Variants in RLIM observed in about 807,000 individuals in gnomAD.
The protein encoded by RLIM is E3 ubiquitin-protein ligase RLIM.
RLIM carries 2 observed loss-of-function variants against 34.0 expected under a neutral mutation model. The observed-to-expected ratio is 0.06, with a 90% CI of 0.02 to 0.19. RLIM has a LOEUF of 0.19. Ranked by LOEUF, RLIM falls within the 10% of genes least tolerant of loss-of-function variation. RLIM has a pLI of 1.00. For synonymous variants in RLIM, 169 were observed against 164.0 expected (o/e 1.03, Z -0.23); for missense variants, 286 against 479.7 (o/e 0.60, Z 3.77).
Position 74,588,689 on chromosome X carries a change from G to A in RLIM, c.*2751C>T, listed in dbSNP as rs767044435. The A allele has an allele frequency of 9.0e-6, 1 of 111,649 alleles. No homozygotes were observed. The highest frequency in any genetic ancestry group is 3.2e-5 in the African/African-American group (1 of 30,777). 9.2% of individuals were successfully genotyped at this position (111,649 alleles called of 1,213,427 possible). ...CTCTTACTGCATGAAGTTCAAACTA[G>A]GTCTTAAAGACAACTTTTCTGTACT... On this transcript the variant is annotated 3_prime_UTR_variant, in exon 4 of 4. Coordinates refer to ENST00000332687, the MANE Select transcript of RLIM (RefSeq NM_016120.4).
At position 74,590,128 on chromosome X, in the gene RLIM, G is replaced by A. The variant is rs888705621; in HGVS notation, c.*1312C>T. On this transcript the variant is annotated 3_prime_UTR_variant, in exon 4 of 4. Coordinates refer to ENST00000332687, the MANE Select transcript of RLIM (RefSeq NM_016120.4). ...AATCTCAAAAACAACACAAATTCGAGACTTTCCTATTAACACACACATGTG... is the reference window on the plus strand; with the variant it reads ...AATCTCAAAAACAACACAAATTCGAAACTTTCCTATTAACACACACATGTG... 1 of 111,952 alleles carries A rather than the reference G, an allele frequency of 8.9e-6. No homozygotes were observed. The highest frequency in any genetic ancestry group is 1.9e-5 in the Non-Finnish European group (1 of 53,181). The allele number at this position is 111,952 out of a possible 1,213,427, so 9.2% of individuals were successfully genotyped here.
intron 1 of RLIM, among the ~76,000 whole-genome samples, chrX:74,609,573 G>A (rs944705998): frequency 3.7e-5 from 4 of 108,439 alleles, no homozygotes; most frequent in African/African-American, 1.3e-4. Flanking sequence ...GTTATTTGAG[G>A]AAGTAATTTT....
Position 74,595,799 on chromosome X carries a change from G to A in RLIM, c.169+10C>T. 8.6e-7 allele frequency: 1 copy of A among 1,163,018 alleles called. No individual in the cohort carries two copies. The highest frequency in any genetic ancestry group is 3.0e-5 in the East Asian group (1 of 33,341). ...TACACTTATAAATCCTTAAATATAT[G>A]TAAGCATACCTGGGGTGCCTAGCAA... is the stretch of plus-strand genomic sequence containing the variant. On this transcript the variant is annotated intron_variant, in intron 2 of 3. Transcript: ENST00000332687.
rs1242094085 is a variant in RLIM, at chrX:74,585,141, G to C, written c.*6299C>G. 8.9e-6 allele frequency: 1 copy of C among 112,223 alleles called. No homozygotes were observed. Among genetic ancestry groups the C allele is most frequent in the African/African-American group, 3.2e-5 (1 of 30,878 alleles). 9.2% of individuals were successfully genotyped at this position (112,223 alleles called of 1,213,427 possible). A position where few individuals can be genotyped will look rare whatever the true frequency, so the allele number is the denominator to read the frequency against. ...TTTTGTATATATACAGGGCAAGCAA[G>C]GGAGTGGTCAGAGCAATGGCGAGAA... is the stretch of plus-strand genomic sequence containing the variant. On this transcript the variant is annotated 3_prime_UTR_variant, in exon 4 of 4. Transcript: ENST00000332687.
chrX:74,604,080 A>C (rs1450499034), intron 1 of RLIM, among the ~76,000 whole-genome samples: 1 of 106,015 alleles, frequency 9.4e-6, no homozygotes, highest in East Asian at 3.0e-4. Context: ...AAGCCACTGC[A>C]CTCCAGCCTG....
rs1931335569 is a variant in RLIM, at chrX:74,585,788, G to GA, written c.*5651dup. 1 of 111,997 alleles carries GA rather than the reference G, an allele frequency of 8.9e-6. No individual in the cohort carries two copies. Among genetic ancestry groups the GA allele is most frequent in the African/African-American group, 3.2e-5 (1 of 30,808 alleles). The allele number at this position is 111,997 out of a possible 1,213,427, so 9.2% of individuals were successfully genotyped here. ...TCAGGTTTAAATTGAAAGAAAATGA[G>GA]AAACCAGATAAAGCAAGCCAACCAA... On this transcript the variant is annotated 3_prime_UTR_variant, in exon 4 of 4. Transcript: ENST00000332687.
intron 1 of RLIM, among the ~76,000 whole-genome samples, chrX:74,609,404 C>T (rs989645683): frequency 3.2e-5 from 3 of 94,935 alleles, no homozygotes; most frequent in Non-Finnish European, 6.1e-5. Context: ...AGGAGAATGG[C>T]GTGAACCCGG....
intron 1 of RLIM, among the ~76,000 whole-genome samples, chrX:74,602,540 T>G (rs1361361563): frequency 9.0e-6 from 1 of 111,145 alleles, no homozygotes; most frequent in Non-Finnish European, 1.9e-5. Context: ...GAGACTAGCC[T>G]GACTAACATG....
chrX:74,594,741 A>T (rs908430751), intron 2 of RLIM, among the ~76,000 whole-genome samples: 3 of 109,915 alleles, frequency 2.7e-5, no homozygotes, highest in Non-Finnish European at 5.7e-5. Flanking sequence ...TCTACTAAAA[A>T]TACAAAAATT....
chrX:74,603,224 T>C (rs1030709148), intron 1 of RLIM, among the ~76,000 whole-genome samples: 1 of 110,441 alleles, frequency 9.1e-6, no homozygotes, highest in African/African-American at 3.3e-5. Flanking sequence ...ATTACAACAT[T>C]TTCTTGGCAA....
In RLIM at chrX:74,610,895, AAT is replaced by A. The variant is rs1167183033; in HGVS notation, c.-24+3525_-24+3526del. 8.1e-5 allele frequency among the ~76,000 whole-genome samples: 9 copies of A among 110,776 alleles called. No homozygotes were observed. In the East Asian group the frequency reaches 1.4e-3, roughly 17 times the overall value. On this transcript the variant is annotated intron_variant, in intron 1 of 3. Coordinates refer to ENST00000332687, the MANE Select transcript of RLIM (RefSeq NM_016120.4). ...ACAGAGTGAGACTCCGTCTCAAAAAAATAAAAAAATAAAAAATAAATAAATAA... is the reference window on the plus strand; with the variant it reads ...ACAGAGTGAGACTCCGTCTCAAAAAAAAAAAAATAAAAAATAAATAAATAA...
Position 74,590,130 on chromosome X carries a change from C to A in RLIM, c.*1310G>T, listed in dbSNP as rs2079605689. The A allele has an allele frequency of 8.9e-6, 1 of 112,101 alleles. No homozygotes were observed. Among genetic ancestry groups the A allele is most frequent in the South Asian group, 3.7e-4 (1 of 2,730 alleles). 9.2% of individuals were successfully genotyped at this position (112,101 alleles called of 1,213,427 possible). ...TCTCAAAAACAACACAAATTCGAGA[C>A]TTTCCTATTAACACACACATGTGTA... On this transcript the variant is annotated 3_prime_UTR_variant, in exon 4 of 4. Coordinates refer to ENST00000332687, the MANE Select transcript of RLIM (RefSeq NM_016120.4).
In RLIM at chrX:74,609,487, CAAAAAAAAAAAAA is replaced by C. The variant is rs752008137; in HGVS notation, c.-24+4922_-24+4934del. 2.7e-4 allele frequency among the ~76,000 whole-genome samples: 9 copies of C among 32,795 alleles called. No individual in the cohort carries two copies. In the East Asian group the frequency reaches 4.7e-3, roughly 17 times the overall value. 28.5% of individuals were successfully genotyped at this position (32,795 alleles called of 115,157 possible). On this transcript the variant is annotated intron_variant, in intron 1 of 3. Coordinates refer to ENST00000332687, the MANE Select transcript of RLIM (RefSeq NM_016120.4). ...TGGGCGACAGAGCGAGACTCCGTTT[CAAAAAAAAAAAAA>C]AAAAAAAAAAAAAAAAATTAAAATC...
chrX:74,603,276 C>T lies in RLIM; in HGVS notation c.-23-7276G>A, dbSNP rs2079668705. 5.4e-5 allele frequency among the ~76,000 whole-genome samples: 6 copies of T among 110,541 alleles called. No individual in the cohort carries two copies. In the South Asian group the frequency reaches 2.3e-3, roughly 43 times the overall value. ...TTACCTCTACCCCATACTCCCCTCC[C>T]CCAACATACCTTGTGCTTTACCACC... On this transcript the variant is annotated intron_variant, in intron 1 of 3. Coordinates refer to ENST00000332687, the MANE Select transcript of RLIM (RefSeq NM_016120.4).
Position 74,588,213 on chromosome X carries a change from T to C in RLIM, c.*3227A>G, listed in dbSNP as rs988466469. 2 of 112,304 alleles carry C rather than the reference T, an allele frequency of 1.8e-5. No individual in the cohort carries two copies. Among genetic ancestry groups the C allele is most frequent in the Non-Finnish European group, 3.7e-5 (2 of 53,351 alleles). 9.3% of individuals were successfully genotyped at this position (112,304 alleles called of 1,213,427 possible). On this transcript the variant is annotated 3_prime_UTR_variant, in exon 4 of 4. Coordinates refer to ENST00000332687, the MANE Select transcript of RLIM (RefSeq NM_016120.4). The stretch of plus-strand genomic sequence containing the variant: ...GGCTGGACATGGTGGCTCACGCCTG[T>C]AATCCCAGCATTTTCGGAGGCCGAG...
chrX:74,604,132 T>C (rs2079673044), intron 1 of RLIM, among the ~76,000 whole-genome samples: 1 of 109,079 alleles, frequency 9.2e-6, no homozygotes, highest in African/African-American at 3.4e-5. Flanking sequence ...AAAAAATCAT[T>C]TCAACATAAA....
chrX:74,610,964 A>G (rs563755199), intron 1 of RLIM, among the ~76,000 whole-genome samples: 5 of 112,024 alleles, frequency 4.5e-5, no homozygotes, highest in African/African-American at 1.6e-4. Flanking sequence ...TTGCTGGATT[A>G]TCTGGGAAAC....
intron 1 of RLIM, 50 bp from the exon 2 acceptor site, chrX:74,596,050 C>G: frequency 1.3e-6 from 1 of 768,576 alleles, no homozygotes; most frequent in Non-Finnish European, 1.8e-6. Flanking sequence ...ACTATGTATT[C>G]TATACAAGTT....
intron 1 of RLIM, among the ~76,000 whole-genome samples, chrX:74,601,398 T>C (rs974273436): frequency 2.7e-5 from 3 of 112,174 alleles, no homozygotes; most frequent in Admixed American, 9.4e-5. Flanking sequence ...AGCAGTAAAA[T>C]GTGACAATAC....
Sources: gnomAD v4.1 joint callset for allele counts (sites outside exome capture counted in the v4.1 genomes callset) on GRCh38, gnomAD v4.1.1 for gene constraint, MANE v1.5 for transcripts, NCBI Gene and HGNC (gene_info 2026-07-23, HGNC 2026-07-21) for gene names.